Variants in COG5 observed in about 807,000 individuals in gnomAD.
The protein encoded by COG5 is conserved oligomeric Golgi complex subunit 5.
Under a neutral mutation model 110.4 loss-of-function variants are expected in COG5, and 86 were observed. That is an observed-to-expected ratio of 0.78 (90% CI 0.65 to 0.93). The LOEUF (loss-of-function observed/expected upper bound fraction) is 0.93, where lower values mean the gene tolerates loss of function less well. Among genes scored for constraint, COG5 ranks in the 40% least tolerant of loss-of-function variants. The probability of loss-of-function intolerance (pLI) is 0.00; values close to 1 mark genes in which losing one functional copy is unlikely to be tolerated. For synonymous variants in COG5, 360 were observed against 334.6 expected, an observed-to-expected ratio of 1.08 and a Z score of -0.83; for missense variants, 1,077 against 987.0, an observed-to-expected ratio of 1.09 and a Z score of -1.22.
chr7:107,279,136 C>G (rs541264072), intron 14 of COG5, among the ~76,000 whole-genome samples: 1 of 152,110 alleles, frequency 6.6e-6, no homozygotes, highest in Non-Finnish European at 1.5e-5. Context: ...AGGGTCTGAA[C>G]AGACACTTCT....
At chr7:107,492,465 T>C (rs1798032475) in intron 6 of COG5, among the ~76,000 whole-genome samples, 1 of 152,126 alleles carries the variant, frequency 6.6e-6, no homozygotes, top group South Asian at 2.1e-4. Context: ...TCCATGGCTG[T>C]ATTCCCTTCT....
At chr7:107,457,412 A>C (rs1795733054) in intron 6 of COG5, among the ~76,000 whole-genome samples, 2 of 151,426 alleles carry the variant, frequency 1.3e-5, no homozygotes, top group African/African-American at 4.8e-5. Context: ...ACCAAGTCTA[A>C]AATATGAGTT....
chr7:107,459,344 T>C (rs950278492), intron 6 of COG5, among the ~76,000 whole-genome samples: 6 of 151,996 alleles, frequency 3.9e-5, no homozygotes, highest in African/African-American at 1.2e-4. Context: ...CAAAGACATG[T>C]ATTTCATAGC....
chr7:107,527,154 G>A (rs182520886), intron 6 of COG5, 83 bp downstream of exon 6: 117 of 1,284,900 alleles, frequency 9.1e-5, no homozygotes, highest in Non-Finnish European at 1.2e-4. Flanking sequence ...TGCTAATGGT[G>A]ATAACAAAAG....
At chr7:107,520,866 G>A (rs891593332) in intron 6 of COG5, among the ~76,000 whole-genome samples, 1 of 152,110 alleles carries the variant, frequency 6.6e-6, no homozygotes, top group African/African-American at 2.4e-5. Flanking sequence ...AACAAAACTG[G>A]AGGCATCATG....
intron 14 of COG5, among the ~76,000 whole-genome samples, chr7:107,279,895 G>A (rs1433342004): frequency 6.6e-6 from 1 of 152,046 alleles, no homozygotes; most frequent in Non-Finnish European, 1.5e-5. Context: ...TGAAATGTTT[G>A]CAGATATTTT....
chr7:107,335,856 G>A (rs1810657087), intron 10 of COG5, among the ~76,000 whole-genome samples: 1 of 152,032 alleles, frequency 6.6e-6, no homozygotes. Flanking sequence ...ACAAGCCAAA[G>A]ACTATAAAAA....
rs182733011 is a variant in COG5, at chr7:107,224,075, G to T, written c.2168+6540C>A. 2.0e-3 allele frequency among the ~76,000 whole-genome samples: 304 copies of T among 152,342 alleles called. 2 individuals are homozygous for T. Among genetic ancestry groups the T allele is most frequent in the African/African-American group, 6.9e-3 (287 of 41,568 alleles). On this transcript the variant is annotated intron_variant, in intron 19 of 21. Transcript: ENST00000297135. ...CCAAGATGGTGGTTGCCTTCTGGCT[G>T]TAACACTGAAATCTGAAACTTAGAA...
At chr7:107,314,602 A>G (rs1352186082) in intron 11 of COG5, among the ~76,000 whole-genome samples, 2 of 150,476 alleles carry the variant, frequency 1.3e-5, no homozygotes, top group East Asian at 2.0e-4. Flanking sequence ...AAAAAAAAAA[A>G]AGCCAGGCAT....
chr7:107,558,748 C>G (rs1584966548), intron 1 of COG5, among the ~76,000 whole-genome samples: 1 of 150,912 alleles, frequency 6.6e-6, no homozygotes, highest in African/African-American at 2.4e-5. Context: ...ATTAGCCGGG[C>G]GTGGTGGTGG....
At chr7:107,540,053 AAGCT>A (rs2129167448) in intron 5 of COG5, among the ~76,000 whole-genome samples, 1 of 152,298 alleles carries the variant, frequency 6.6e-6, no homozygotes, top group South Asian at 2.1e-4. Context: ...AAAGCCAAAA[AAGCT>A]AGTGTTTATG....
intron 6 of COG5, among the ~76,000 whole-genome samples, chr7:107,501,384 A>G (rs894697505): frequency 3.3e-5 from 5 of 152,116 alleles, no homozygotes; most frequent in African/African-American, 7.2e-5. Flanking sequence ...CTCAAACTTT[A>G]TAAGTCTTCC....
intron 14 of COG5, among the ~76,000 whole-genome samples, chr7:107,276,812 T>C (rs919569215): frequency 6.6e-6 from 1 of 152,232 alleles, no homozygotes; most frequent in African/African-American, 2.4e-5. Flanking sequence ...TATAGGTATA[T>C]GTGTATTTGA....
Position 107,431,521 on chromosome 7 carries a change from G to A in COG5, c.539-18889C>T, listed in dbSNP as rs368689172. 9.9e-5 allele frequency among the ~76,000 whole-genome samples: 15 copies of A among 152,162 alleles called. 1 individual carries two copies. In the East Asian group the frequency reaches 1.2e-3, roughly 12 times the overall value. On this transcript the variant is annotated intron_variant, in intron 6 of 21. Coordinates refer to ENST00000297135, the MANE Select transcript of COG5 (RefSeq NM_006348.5). ...AAATAAAAAGATGGGGAAAATCACTGAAGTATAGAGAATATATGAAAGATA... is the reference window on the plus strand; with the variant it reads ...AAATAAAAAGATGGGGAAAATCACTAAAGTATAGAGAATATATGAAAGATA...
chr7:107,403,947 C>A (rs1489952994), intron 7 of COG5, among the ~76,000 whole-genome samples: 2 of 151,882 alleles, frequency 1.3e-5, no homozygotes, highest in Non-Finnish European at 2.9e-5. Flanking sequence ...TTAGTAAGGG[C>A]AGAATTCAAT....
At chr7:107,552,832 C>T (rs1803014496) in intron 3 of COG5, among the ~76,000 whole-genome samples, 2 of 152,162 alleles carry the variant, frequency 1.3e-5, no homozygotes, top group Non-Finnish European at 1.5e-5. Context: ...CATCACAGCA[C>T]TGTTCACAAT....
At chr7:107,324,632 T>G (rs1224493229) in intron 10 of COG5, 111 bp from the exon 11 acceptor site, 3 of 614,332 alleles carry the variant, frequency 4.9e-6, no homozygotes, top group Non-Finnish European at 8.7e-6. Flanking sequence ...AAATAAAAAT[T>G]TTAGACATCT....
intron 6 of COG5, among the ~76,000 whole-genome samples, chr7:107,439,840 G>A (rs1794598910): frequency 2.0e-5 from 3 of 152,244 alleles, no homozygotes; most frequent in South Asian, 4.2e-4. Flanking sequence ...GAAAACAGGA[G>A]GTGCTGAAGG....
chr7:107,332,913 A>G (rs1270502423), intron 10 of COG5, among the ~76,000 whole-genome samples: 2 of 152,280 alleles, frequency 1.3e-5, no homozygotes, highest in South Asian at 4.1e-4. Flanking sequence ...TCAAAAAACA[A>G]AAGTGAAAAC....
Sources: allele counts gnomAD v4.1 joint callset (sites outside exome capture counted in the v4.1 genomes callset), GRCh38; gene constraint gnomAD v4.1.1; transcripts MANE v1.5; gene names NCBI Gene and HGNC (gene_info 2026-07-23, HGNC 2026-07-21).